The following FAM81B variants were observed in gnomAD, a reference collection of about 807,000 sequenced individuals.
The protein encoded by FAM81B is family with sequence similarity 81 member B.
In FAM81B, 60 loss-of-function variants were observed where a neutral mutation model predicts 58.7. The observed-to-expected ratio is 1.02, with a 90% CI of 0.83 to 1.27. The LOEUF (loss-of-function observed/expected upper bound fraction) is 1.27. FAM81B is among the 50% of genes most tolerant of loss of function. FAM81B has a pLI of 0.00. For missense variants in FAM81B, 491 were observed against 522.0 expected (o/e 0.94, Z 0.58); for synonymous variants, 189 against 179.6 (o/e 1.05, Z -0.42).
At chr5:95,417,326 G>T (rs549613994) in intron 4 of FAM81B, among the ~76,000 whole-genome samples, 1 of 151,944 alleles carries the variant, frequency 6.6e-6, no homozygotes, top group Admixed American at 6.6e-5. Context: ...TTTTCTTAGT[G>T]AAAGTGTTGA....
At chr5:95,442,024 A>T (rs1745377589) in intron 7 of FAM81B, among the ~76,000 whole-genome samples, 1 of 152,234 alleles carries the variant, frequency 6.6e-6, no homozygotes, top group Non-Finnish European at 1.5e-5. Flanking sequence ...CAATGAAGCA[A>T]ATGCATAGAC....
chr5:95,402,199 A>G (rs1002536161), intron 3 of FAM81B, among the ~76,000 whole-genome samples: 1 of 152,254 alleles, frequency 6.6e-6, no homozygotes, highest in African/African-American at 2.4e-5. Context: ...TGGCCTCGTC[A>G]GGAATCTCTC....
chr5:95,413,948 A>C lies in FAM81B; in HGVS notation c.295A>C (p.Ser99Arg). The change falls in exon 4 of 10, where the codon AGT (serine) becomes CGT (arginine). Residue 99 changes from serine (S) to arginine (R), a missense_variant and splice_region_variant. Coordinates refer to ENST00000283357, the MANE Select transcript of FAM81B (RefSeq NM_152548.3). Reference protein sequence around the residue: ...STDLVEYVDKSHAFLPIIPNT... With the variant: ...STDLVEYVDKRHAFLPIIPNT... The stretch of plus-strand genomic sequence containing the variant: ...TTTCCTTTTCCTTTTTCTGATCAGG[A>C]GTCATGCTTTTCTCCCCATCATTCC... 6.2e-7 allele frequency: 1 copy of C among 1,611,402 alleles called. No individual in the cohort carries two copies. The highest frequency in any genetic ancestry group is 8.5e-7 in the Non-Finnish European group (1 of 1,178,944).
Position 95,450,418 on chromosome 5 carries a change from A to G in FAM81B, c.*136A>G. ...TTAAGGAGACGAATGTACCAGAAAA[A>G]TAATAAAGCAAAGAAGCTTCGGATG... On this transcript the variant is annotated 3_prime_UTR_variant, in exon 10 of 10. Transcript: ENST00000283357. 2 of 1,426,784 alleles carry G rather than the reference A, an allele frequency of 1.4e-6. No homozygotes were observed. Among genetic ancestry groups the G allele is most frequent in the Non-Finnish European group, 1.9e-6 (2 of 1,069,816 alleles). The allele number at this position is 1,426,784 out of a possible 1,614,324, so 88.4% of individuals were successfully genotyped here. A position where few individuals can be genotyped will look rare whatever the true frequency, so the allele number is the denominator to read the frequency against.
At chr5:95,422,386 G>C (rs886309346) in intron 5 of FAM81B, among the ~76,000 whole-genome samples, 4 of 151,788 alleles carry the variant, frequency 2.6e-5, no homozygotes, top group Non-Finnish European at 4.4e-5. Context: ...ATTTGGGTAA[G>C]TTATGAAACA....
intron 3 of FAM81B, among the ~76,000 whole-genome samples, chr5:95,401,044 G>GT (rs1762099557): frequency 1.3e-5 from 2 of 151,532 alleles, no homozygotes; most frequent in South Asian, 4.2e-4. Flanking sequence ...TGCTTCACCT[G>GT]TAAGTATGAC....
chr5:95,441,477 G>A (rs1262614251), intron 7 of FAM81B, among the ~76,000 whole-genome samples: 1 of 152,036 alleles, frequency 6.6e-6, no homozygotes, highest in Non-Finnish European at 1.5e-5. Flanking sequence ...GCTGAAGCAG[G>A]AGAATGGCTT....
chr5:95,397,086 T>C (rs896627505), intron 3 of FAM81B: 9 of 152,368 alleles, frequency 5.9e-5, no homozygotes, highest in African/African-American at 9.6e-5. Flanking sequence ...TCTTTAACAA[T>C]TAAGATGATA....
intron 9 of FAM81B, among the ~76,000 whole-genome samples, chr5:95,449,091 T>C (rs1745696518): frequency 3.3e-5 from 5 of 152,200 alleles, no homozygotes. Context: ...TCTGAGGGAA[T>C]TACCAGGACT....
intron 1 of FAM81B, 109 bp downstream of exon 1, chr5:95,391,622 G>A: frequency 7.9e-7 from 1 of 1,267,092 alleles, no homozygotes; most frequent in South Asian, 1.7e-5. Context: ...ACCCTCAGAA[G>A]GCTTGGGCAC....
chr5:95,437,482 T>C (rs1434844130), intron 7 of FAM81B, among the ~76,000 whole-genome samples: 3 of 152,138 alleles, frequency 2.0e-5, no homozygotes, highest in Non-Finnish European at 2.9e-5. Context: ...GTAGCTGGGA[T>C]TACAGGCATG....
intron 9 of FAM81B, among the ~76,000 whole-genome samples, chr5:95,449,659 A>G (rs1561318729): frequency 6.6e-6 from 1 of 152,210 alleles, no homozygotes; most frequent in African/African-American, 2.4e-5. Flanking sequence ...GTCTGTGGTC[A>G]GGAGTGACTA....
chr5:95,416,525 T>C (rs189854784), intron 4 of FAM81B, among the ~76,000 whole-genome samples: 14 of 152,310 alleles, frequency 9.2e-5, no homozygotes, highest in Admixed American at 8.5e-4. Context: ...TACTTGTTCA[T>C]CATAATTATT....
At chr5:95,425,283 C>T (rs185959038) in intron 5 of FAM81B, among the ~76,000 whole-genome samples, 3 of 151,638 alleles carry the variant, frequency 2.0e-5, no homozygotes, top group East Asian at 1.9e-4. Flanking sequence ...GATATAAGAA[C>T]AATGAAACCA....
chr5:95,424,587 C>G (rs969742260), intron 5 of FAM81B, among the ~76,000 whole-genome samples: 1 of 152,034 alleles, frequency 6.6e-6, no homozygotes, highest in Non-Finnish European at 1.5e-5. Flanking sequence ...GCATAGAAGT[C>G]TTGGAACCTA....
chr5:95,440,329 T>A (rs1745283376), intron 7 of FAM81B: 1 of 967,660 alleles, frequency 1.0e-6, no homozygotes, highest in Non-Finnish European at 1.6e-6. Flanking sequence ...GAACCATTGA[T>A]CAATTTGGAT....
intron 5 of FAM81B, among the ~76,000 whole-genome samples, chr5:95,426,125 T>TATATATATATACAC (rs781083080): frequency 4.2e-5 from 4 of 94,304 alleles, no homozygotes; most frequent in Admixed American, 1.0e-4. Context: ...TATATATATG[T>TATATATATATACAC]ACACATATAT....
rs116724146 is a variant in FAM81B, at chr5:95,417,241, T to C, written c.538-3043T>C. ...ATTAGCATTATTTGAGTGCTTTTTT[T>C]CCACTTTACCTATGCCAGAATTGAA... On this transcript the variant is annotated intron_variant, in intron 4 of 9. Transcript: ENST00000283357. Among the ~76,000 whole-genome samples the C allele has an allele frequency of 2.4e-3, 372 of 152,358 alleles. 3 individuals are homozygous for C. The highest frequency in any genetic ancestry group is 4.5e-3 in the Non-Finnish European group (306 of 68,028).
At chr5:95,439,317 C>T (rs1745234667) in intron 7 of FAM81B, among the ~76,000 whole-genome samples, 1 of 144,510 alleles carries the variant, frequency 6.9e-6, no homozygotes, top group Non-Finnish European at 1.5e-5. Flanking sequence ...GGGTTTTACA[C>T]TTCGACCAGC....
Sources: gnomAD v4.1 joint callset for allele counts (sites outside exome capture counted in the v4.1 genomes callset) on GRCh38, gnomAD v4.1.1 for gene constraint, MANE v1.5 for transcripts, NCBI Gene and HGNC (gene_info 2026-07-23, HGNC 2026-07-21) for gene names.